The following FOXP2 variants were observed in gnomAD, a reference collection of about 807,000 sequenced individuals.
FOXP2 encodes the protein forkhead box protein P2.
FOXP2 carries 12 observed loss-of-function variants against 115.8 expected under a neutral mutation model. The observed-to-expected ratio is 0.10, with a 90% CI of 0.07 to 0.17. The LOEUF (loss-of-function observed/expected upper bound fraction) is 0.17, where lower values mean the gene tolerates loss of function less well. Ranked by LOEUF, FOXP2 falls within the 10% of genes least tolerant of loss-of-function variation. The pLI, the probability that FOXP2 is intolerant of heterozygous loss-of-function variation, is 1.00. For synonymous variants in FOXP2, 328 were observed against 297.7 expected (o/e 1.10, Z -1.05); for missense variants, 629 against 843.5 (o/e 0.75, Z 3.15).
intron 1 of FOXP2, among the ~76,000 whole-genome samples, chr7:114,122,978 G>A (rs759429799): frequency 3.3e-5 from 5 of 151,804 alleles, no homozygotes; most frequent in Admixed American, 1.3e-4. Context: ...TGCAGCTGAC[G>A]ATTGGTATTG....
In FOXP2 at chr7:114,652,195, T is replaced by C; in HGVS notation, c.1095-8T>C. 6.2e-7 allele frequency: 1 copy of C among 1,612,658 alleles called. No homozygotes were observed. The highest frequency in any genetic ancestry group is 8.5e-7 in the Non-Finnish European group (1 of 1,179,028). ...TTACATTCTGTTTTGTGTCTTCTGT[T>C]TGTTTAGGCACCTTAACAATGAACA... On this transcript the variant is annotated splice_region_variant and splice_polypyrimidine_tract_variant and intron_variant, in intron 8 of 16. Transcript: ENST00000350908.
At chr7:114,116,570 G>A (rs1791412544) in intron 1 of FOXP2, among the ~76,000 whole-genome samples, 1 of 151,904 alleles carries the variant, frequency 6.6e-6, no homozygotes, top group Admixed American at 6.6e-5. Context: ...ATGAGAATAG[G>A]AAAATAAAGA....
At chr7:114,471,027 T>A (rs561966484) in intron 2 of FOXP2, among the ~76,000 whole-genome samples, 3 of 152,312 alleles carry the variant, frequency 2.0e-5, no homozygotes, top group African/African-American at 4.8e-5. Flanking sequence ...ACATACCCTG[T>A]CTGTATTAAC....
At chr7:114,169,788 G>A (rs1793089656) in intron 1 of FOXP2, among the ~76,000 whole-genome samples, 1 of 152,106 alleles carries the variant, frequency 6.6e-6, no homozygotes, top group Admixed American at 6.5e-5. Context: ...GAGGGACCCG[G>A]TGGGAGATAA....
chr7:114,562,521 A>G (rs1353637861), intron 3 of FOXP2, among the ~76,000 whole-genome samples: 3 of 152,150 alleles, frequency 2.0e-5, no homozygotes, highest in Non-Finnish European at 4.4e-5. Context: ...TTATATTAGC[A>G]TCTCTGATTA....
At chr7:114,269,595 G>C (rs186110214) in intron 1 of FOXP2, among the ~76,000 whole-genome samples, 36 of 152,080 alleles carry the variant, frequency 2.4e-4, no homozygotes, top group Admixed American at 6.6e-4. Flanking sequence ...CTGGCCAGCA[G>C]TTTTTATTTA....
chr7:114,660,583 T>C (rs1045102135), intron 13 of FOXP2, among the ~76,000 whole-genome samples: 14 of 152,166 alleles, frequency 9.2e-5, no homozygotes, highest in African/African-American at 3.1e-4. Context: ...ATGCTTTTAA[T>C]TTACAAAATG....
intron 2 of FOXP2, among the ~76,000 whole-genome samples, chr7:114,476,088 G>GTT (rs34615484): frequency 1.3e-3 from 183 of 136,552 alleles, no homozygotes; most frequent in Middle Eastern, 3.7e-3. Flanking sequence ...GGATACTTGG[G>GTT]TTTTTTTTTT....
chr7:114,348,899 C>T (rs1293680240), intron 2 of FOXP2, among the ~76,000 whole-genome samples: 1 of 152,070 alleles, frequency 6.6e-6, no homozygotes, highest in Non-Finnish European at 1.5e-5. Context: ...GTATTCAACA[C>T]CTTGCCTCGT....
At chr7:114,476,269 C>A (rs1157717290) in intron 2 of FOXP2, among the ~76,000 whole-genome samples, 1 of 151,760 alleles carries the variant, frequency 6.6e-6, no homozygotes, top group African/African-American at 2.4e-5. Flanking sequence ...ACATTTAAAT[C>A]TTTGATTGAT....
At chr7:114,272,180 G>A (rs1796080692) in intron 1 of FOXP2, among the ~76,000 whole-genome samples, 1 of 149,726 alleles carries the variant, frequency 6.7e-6, no homozygotes, top group Admixed American at 6.7e-5. Flanking sequence ...TGTTGTGATG[G>A]GTTATATTAA....
At chr7:114,384,837 C>T (rs569029545) in intron 2 of FOXP2, among the ~76,000 whole-genome samples, 13 of 151,762 alleles carry the variant, frequency 8.6e-5, no homozygotes, top group Admixed American at 5.9e-4. Flanking sequence ...AAGCAGTTGT[C>T]GCTACCGACT....
At chr7:114,272,099 T>C (rs1796077592) in intron 1 of FOXP2, among the ~76,000 whole-genome samples, 2 of 146,198 alleles carry the variant, frequency 1.4e-5, no homozygotes, top group Admixed American at 1.4e-4. Context: ...ATTTAAATCA[T>C]GAATGGATGT....
chr7:114,597,767 T>A (rs1802805389), intron 3 of FOXP2, among the ~76,000 whole-genome samples: 1 of 152,170 alleles, frequency 6.6e-6, no homozygotes, highest in Non-Finnish European at 1.5e-5. Flanking sequence ...GATATATTGC[T>A]TCCCATCAAG....
intron 1 of FOXP2, among the ~76,000 whole-genome samples, chr7:114,096,919 C>T (rs1799665100): frequency 6.6e-6 from 1 of 152,006 alleles, no homozygotes; most frequent in Admixed American, 6.6e-5. Context: ...TACATGTTAA[C>T]TATTCATGAA....
intron 1 of FOXP2, among the ~76,000 whole-genome samples, chr7:114,255,827 G>T (rs1795596658): frequency 6.6e-6 from 1 of 152,052 alleles, no homozygotes; most frequent in African/African-American, 2.4e-5. Flanking sequence ...AAGCCCCAGT[G>T]AGATGAACCC....
At chr7:114,497,584 G>A (rs1797376451) in intron 2 of FOXP2, among the ~76,000 whole-genome samples, 1 of 152,076 alleles carries the variant, frequency 6.6e-6, no homozygotes, top group Non-Finnish European at 1.5e-5. Context: ...AGGAGGCAGA[G>A]ATTGCAGTGA....
intron 2 of FOXP2, among the ~76,000 whole-genome samples, chr7:114,349,032 A>C (rs1791414651): frequency 6.6e-6 from 1 of 152,138 alleles, no homozygotes; most frequent in African/African-American, 2.4e-5. Flanking sequence ...AACAATATCT[A>C]GAGAATTATT....
chr7:114,190,494 T>A (rs1268624307), intron 1 of FOXP2, among the ~76,000 whole-genome samples: 1 of 152,170 alleles, frequency 6.6e-6, no homozygotes, highest in Non-Finnish European at 1.5e-5. Flanking sequence ...TCTTAGGCCT[T>A]TTGGTGTGGA....
Sources: gnomAD v4.1 joint callset for allele counts (sites outside exome capture counted in the v4.1 genomes callset) on GRCh38, gnomAD v4.1.1 for gene constraint, MANE v1.5 for transcripts, NCBI Gene and HGNC (gene_info 2026-07-23, HGNC 2026-07-21) for gene names.